The following CNBD1 variants were observed in gnomAD, a reference collection of about 807,000 sequenced individuals.
CNBD1 encodes cyclic nucleotide binding domain containing 1, also known as cyclic nucleotide-binding domain-containing protein 1.
In CNBD1, 71 loss-of-function variants were observed where a neutral mutation model predicts 54.4. The observed-to-expected ratio is 1.30, with a 90% CI of 1.08 to 1.59. The LOEUF (loss-of-function observed/expected upper bound fraction) is 1.59, where lower values mean the gene tolerates loss of function less well. Among genes scored for constraint, CNBD1 ranks in the 40% most tolerant of loss-of-function variants. The pLI is 0.00. For synonymous variants in CNBD1, 182 were observed against 170.7 expected (o/e 1.07, Z -0.51); for missense variants, 659 against 518.0 (o/e 1.27, Z -2.64).
At chr8:87,223,220 T>C (rs1363518247) in intron 5 of CNBD1, among the ~76,000 whole-genome samples, 2 of 150,166 alleles carry the variant, frequency 1.3e-5, no homozygotes, top group East Asian at 1.9e-4. Context: ...CTGAAGTTTT[T>C]TTTTTTAATT....
chr8:87,285,337 A>G (rs1217683937), intron 7 of CNBD1, among the ~76,000 whole-genome samples: 1 of 152,212 alleles, frequency 6.6e-6, no homozygotes, highest in Non-Finnish European at 1.5e-5. Context: ...TTTTTAAGAT[A>G]ACTTCATTTA....
At position 86,979,427 on chromosome 8, in the gene CNBD1, AAG is replaced by A. The variant is rs1456851539; in HGVS notation, c.431+39674_431+39675del. On this transcript the variant is annotated intron_variant, in intron 4 of 10. Transcript: ENST00000518476. ...CAAAAAAAAAAAAAAAAAAAAAAAA[AAG>A]GCAAAAACAATTTAGCCTGCCATGG... is the stretch of plus-strand genomic sequence containing the variant. Among the ~76,000 whole-genome samples the A allele has an allele frequency of 3.8e-4, 56 of 145,732 alleles. 18 individuals are homozygous for A. Among genetic ancestry groups the A allele is most frequent in the African/African-American group, 1.3e-3 (51 of 38,556 alleles).
intron 4 of CNBD1, among the ~76,000 whole-genome samples, chr8:86,991,392 GTCTCTC>G (rs57076430): frequency 2.7e-5 from 4 of 149,452 alleles, no homozygotes; most frequent in Admixed American, 1.3e-4. Flanking sequence ...CACTCTCTCT[GTCTCTC>G]TCTCTCTCTC....
In CNBD1 at chr8:87,251,243, C is replaced by T. The variant is rs116732113; in HGVS notation, c.771+14131C>T. Reference sequence around the variant, plus strand: ...GTTTTAGGGCCCTAGTTCTTCCTAACGTTCTGAATGTTGGACATGACTGTT... The same window carrying T: ...GTTTTAGGGCCCTAGTTCTTCCTAATGTTCTGAATGTTGGACATGACTGTT... On this transcript the variant is annotated intron_variant, in intron 6 of 10. Transcript: ENST00000518476. Among the ~76,000 whole-genome samples, 394 of 152,204 alleles carry T rather than the reference C, an allele frequency of 2.6e-3. 2 individuals carry two copies. Among genetic ancestry groups the T allele is most frequent in the African/African-American group, 9.0e-3 (374 of 41,534 alleles).
rs1445220591 is a variant in CNBD1 at position 87,322,548 on chromosome 8, T to A, written c.1043-29137T>A. 2.8e-4 allele frequency among the ~76,000 whole-genome samples: 33 copies of A among 119,320 alleles called. 9 individuals are homozygous for A. Among genetic ancestry groups the A allele is most frequent in the Admixed American group, 1.4e-3 (17 of 12,160 alleles). 78.3% of individuals were successfully genotyped at this position (119,320 alleles called of 152,430 possible). On this transcript the variant is annotated intron_variant, in intron 8 of 10. Coordinates refer to ENST00000518476, the MANE Select transcript of CNBD1 (RefSeq NM_173538.3). ...GTGGTTTTGATTTGCATTTCTCTGA[T>A]GGCCAGTAATGATGAGCATTTTTTC...
At chr8:87,264,171 C>T (rs1014913500) in intron 6 of CNBD1, among the ~76,000 whole-genome samples, 30 of 151,888 alleles carry the variant, frequency 2.0e-4, no homozygotes, top group African/African-American at 2.7e-4. Flanking sequence ...CAACAGGCCC[C>T]GGAGTGTGAT....
intron 5 of CNBD1, among the ~76,000 whole-genome samples, chr8:87,229,924 C>T (rs556571607): frequency 5.2e-4 from 79 of 152,126 alleles, no homozygotes; most frequent in African/African-American, 1.3e-3. Flanking sequence ...TCCGTTTTCA[C>T]GCTGCTGTAA....
chr8:87,377,121 AATTTT>A (rs1159132688), intron 10 of CNBD1, among the ~76,000 whole-genome samples: 1 of 130,242 alleles, frequency 7.7e-6, no homozygotes, highest in African/African-American at 2.8e-5. Context: ...TAATTTTTGT[AATTTT>A]ATTTTATTTA....
chr8:86,983,224 GGA>G (rs1057094012), intron 4 of CNBD1, among the ~76,000 whole-genome samples: 1 of 152,114 alleles, frequency 6.6e-6, no homozygotes, highest in African/African-American at 2.4e-5. Context: ...TTTAAAAAGG[GGA>G]GTTTCCCTGC....
intron 6 of CNBD1, among the ~76,000 whole-genome samples, chr8:87,262,584 T>C (rs1270285389): frequency 6.6e-6 from 1 of 152,174 alleles, no homozygotes; most frequent in East Asian, 1.9e-4. Flanking sequence ...CTAAGACATA[T>C]ATCTCCTGCC....
At chr8:87,333,902 T>C (rs149268583) in intron 8 of CNBD1, among the ~76,000 whole-genome samples, 1 of 152,094 alleles carries the variant, frequency 6.6e-6, no homozygotes, top group East Asian at 1.9e-4. Context: ...TAGGGAGGAG[T>C]CCCTCCTTTT....
chr8:86,881,842 G>A (rs1302775333), intron 1 of CNBD1, among the ~76,000 whole-genome samples: 1 of 152,084 alleles, frequency 6.6e-6, no homozygotes, highest in Admixed American at 6.5e-5. Flanking sequence ...GAACAGAGTA[G>A]TGAACCCAAA....
intron 4 of CNBD1, among the ~76,000 whole-genome samples, chr8:87,203,652 C>A (rs1470350807): frequency 6.6e-6 from 1 of 152,096 alleles, no homozygotes; most frequent in Non-Finnish European, 1.5e-5. Context: ...AACTCTTTCA[C>A]CAAAAGAAAA....
rs34829455 is a variant in CNBD1, at chr8:87,241,268, A to ATTTTTTTTTTTTTTTTT, written c.771+4163_771+4179dup. On this transcript the variant is annotated intron_variant, in intron 6 of 10. Coordinates refer to ENST00000518476, the MANE Select transcript of CNBD1 (RefSeq NM_173538.3). ...GGGCACAAAAATCTGTATTTGGAAG[A>ATTTTTTTTTTTTTTTTT]TTTTTTTTTTTTTTTTTTTTTTTGA... is the stretch of plus-strand genomic sequence containing the variant. Among the ~76,000 whole-genome samples the ATTTTTTTTTTTTTTTTT allele has an allele frequency of 8.1e-4, 76 of 93,854 alleles. 3 individuals are homozygous for ATTTTTTTTTTTTTTTTT. Among genetic ancestry groups the ATTTTTTTTTTTTTTTTT allele is most frequent in the African/African-American group, 3.3e-3 (68 of 20,506 alleles). The allele number at this position is 93,854 out of a possible 152,430, so 61.6% of individuals were successfully genotyped here. A position where few individuals can be genotyped will look rare whatever the true frequency, so the allele number is the denominator to read the frequency against.
chr8:87,074,734 T>C (rs1194529625), intron 4 of CNBD1, among the ~76,000 whole-genome samples: 1 of 152,144 alleles, frequency 6.6e-6, no homozygotes, highest in Middle Eastern at 3.2e-3. Context: ...CCTGCTTTTC[T>C]TCATTCTCCG....
chr8:87,150,244 G>A (rs542355851), intron 4 of CNBD1, among the ~76,000 whole-genome samples: 1 of 152,108 alleles, frequency 6.6e-6, no homozygotes, highest in Admixed American at 6.5e-5. Context: ...AAAGAACAAG[G>A]CAGGTATTTG....
rs75561940 is a variant in CNBD1, at chr8:87,078,662, G to T, written c.432-127331G>T. On this transcript the variant is annotated intron_variant, in intron 4 of 10. Coordinates refer to ENST00000518476, the MANE Select transcript of CNBD1 (RefSeq NM_173538.3). ...GACTGAAAGGGACTAATAGAGTCTTGATGGCTTTGGCTCTTTTGTTTGTGT... is the reference window on the plus strand; with the variant it reads ...GACTGAAAGGGACTAATAGAGTCTTTATGGCTTTGGCTCTTTTGTTTGTGT... 9.4e-3 allele frequency among the ~76,000 whole-genome samples: 1,436 copies of T among 152,282 alleles called. 24 individuals carry two copies. The highest frequency in any genetic ancestry group is 0.032 in the African/African-American group (1,331 of 41,568).
chr8:87,299,494 T>C (rs376701290), intron 8 of CNBD1, among the ~76,000 whole-genome samples: 10 of 152,360 alleles, frequency 6.6e-5, no homozygotes, highest in African/African-American at 2.4e-4. Flanking sequence ...ACATAGATCT[T>C]CCTTAGTTTT....
chr8:87,424,088 T>C (rs894178047), intron 2 of CNBD1, among the ~76,000 whole-genome samples: 1 of 152,228 alleles, frequency 6.6e-6, no homozygotes, highest in Non-Finnish European at 1.5e-5. Context: ...TATTCTCTGA[T>C]GGTAGTTTGT....
Sources: allele counts gnomAD v4.1 joint callset (sites outside exome capture counted in the v4.1 genomes callset), GRCh38; gene constraint gnomAD v4.1.1; transcripts MANE v1.5; gene names NCBI Gene and HGNC (gene_info 2026-07-23, HGNC 2026-07-21).